Variants in AKAP7 observed in about 807,000 individuals in gnomAD.
AKAP7 encodes the protein A-kinase anchoring protein 7, also known as A kinase (PRKA) anchor protein 7.
AKAP7 carries 39 observed loss-of-function variants against 39.5 expected under a neutral mutation model. That is an observed-to-expected ratio of 0.99 (90% confidence interval 0.76 to 1.29). The LOEUF (loss-of-function observed/expected upper bound fraction) is 1.29, where lower values mean the gene tolerates loss of function less well. Among genes scored for constraint, AKAP7 ranks in the 50% most tolerant of loss-of-function variants. The pLI, the probability that AKAP7 is intolerant of heterozygous loss-of-function variation, is 0.00. For synonymous variants in AKAP7, 140 were observed against 139.1 expected (o/e 1.01, Z -0.05); for missense variants, 414 against 407.7 (o/e 1.02, Z -0.13).
At chr6:131,202,822 A>G (rs972709561) in intron 6 of AKAP7, among the ~76,000 whole-genome samples, 6 of 152,156 alleles carry the variant, frequency 3.9e-5, no homozygotes, top group Admixed American at 1.3e-4. Context: ...AGTAAGCCAA[A>G]TAAGAATTTT....
the AKAP7 span, among the ~76,000 whole-genome samples, chr6:131,126,662 C>T: frequency 6.6e-6 from 1 of 152,156 alleles, no homozygotes; most frequent in African/African-American, 2.4e-5. Context: ...AAGCAGCATA[C>T]ATTAATATAC....
At chr6:131,262,907 C>G (rs940780755) in intron 7 of AKAP7, among the ~76,000 whole-genome samples, 1 of 152,176 alleles carries the variant, frequency 6.6e-6, no homozygotes, top group Non-Finnish European at 1.5e-5. Context: ...GGAGTTAAAC[C>G]TGCAGCCAGG....
chr6:131,149,711 G>A (rs1488447728), intron 2 of AKAP7, among the ~76,000 whole-genome samples: 3 of 152,202 alleles, frequency 2.0e-5, no homozygotes, highest in African/African-American at 4.8e-5. Context: ...GGGTGGACAC[G>A]TTTTAGGAGA....
At chr6:131,136,814 T>G in intron 1 of AKAP7, 2 of 981,920 alleles carry the variant, frequency 2.0e-6, no homozygotes, top group Non-Finnish European at 2.4e-6. Context: ...CTTGTTGATT[T>G]CTACGCAGCT....
intron 7 of AKAP7, chr6:131,250,379 T>G (rs1812344574): frequency 2.1e-6 from 3 of 1,425,638 alleles, no homozygotes; most frequent in Non-Finnish European, 2.8e-6. Context: ...GAGCCTTTTT[T>G]GCTCACGGCA....
intron 1 of AKAP7, among the ~76,000 whole-genome samples, chr6:131,139,085 T>C (rs1800812380): frequency 6.6e-6 from 1 of 152,230 alleles, no homozygotes; most frequent in Non-Finnish European, 1.5e-5. Flanking sequence ...AAGCAAAATA[T>C]TTATACCTTC....
intron 7 of AKAP7, among the ~76,000 whole-genome samples, chr6:131,254,298 ACTT>A (rs1812678248): frequency 6.6e-6 from 1 of 152,176 alleles, no homozygotes; most frequent in Non-Finnish European, 1.5e-5. Context: ...TTTGCTGACT[ACTT>A]ATATAGAACT....
In AKAP7 at chr6:131,145,001, T is replaced by C. The variant is rs981249617; in HGVS notation, c.20-284T>C. 3.3e-5 allele frequency among the ~76,000 whole-genome samples: 5 copies of C among 152,320 alleles called. No individual in the cohort carries two copies. In the East Asian group the frequency reaches 9.6e-4, roughly 29 times the overall value. ...CGTAGTTTTAGAATTAAAATATAGC[T>C]GTAAAAGATCTTGAGGATTATTGAT... is the stretch of plus-strand genomic sequence containing the variant. On this transcript the variant is annotated intron_variant, in intron 1 of 7. Coordinates refer to ENST00000431975, the MANE Select transcript of AKAP7 (RefSeq NM_016377.4).
In AKAP7 at chr6:131,169,256, C is replaced by T. The variant is rs148672116; in HGVS notation, c.572C>T (p.Ser191Leu). Residue 191 changes from serine (S) to leucine (L), a missense_variant, in exon 5 of 8, where the codon TCA (serine) becomes TTA (leucine). By Grantham distance (145) the Ser-to-Leu change is moderately radical. Transcript: ENST00000431975. ...VKLAEGDHVNSLLEIAETANR... is the reference protein window; with the variant it reads ...VKLAEGDHVNLLLEIAETANR... ...CTGGCAGAAGGAGATCATGTAAACT[C>T]ACTTTTGGAGATAGCAGGTAAAACA... The T allele has an allele frequency of 6.3e-4, 1,019 of 1,613,768 alleles. 1 individual carries two copies. The highest frequency in any genetic ancestry group is 7.8e-4 in the Non-Finnish European group (917 of 1,179,924).
At chr6:131,271,294 C>A (rs1814252875) in intron 7 of AKAP7, among the ~76,000 whole-genome samples, 2 of 152,040 alleles carry the variant, frequency 1.3e-5, no homozygotes, top group Non-Finnish European at 2.9e-5. Context: ...TATTCTAGTA[C>A]CATTCCTTGC....
At chr6:131,201,817 C>T (rs1045901493) in intron 6 of AKAP7, among the ~76,000 whole-genome samples, 4 of 152,082 alleles carry the variant, frequency 2.6e-5, no homozygotes, top group African/African-American at 9.7e-5. Flanking sequence ...ATATGGCTAG[C>T]CAGTTTTCCC....
chr6:131,282,437 G>A lies in AKAP7; in HGVS notation c.*711G>A, dbSNP rs1815279763. The A allele has an allele frequency of 2.0e-6, 3 of 1,528,290 alleles. No homozygotes were observed. The highest frequency in any genetic ancestry group is 2.6e-6 in the Non-Finnish European group (3 of 1,142,402). 94.7% of individuals were successfully genotyped at this position (1,528,290 alleles called of 1,614,324 possible). Reference sequence around the variant, plus strand: ...TGGAATTCGAGACTTAATTAATGAAGCTTTGCATCGAGAAACGATGGGTCT... The same window carrying A: ...TGGAATTCGAGACTTAATTAATGAAACTTTGCATCGAGAAACGATGGGTCT... On this transcript the variant is annotated 3_prime_UTR_variant, in exon 8 of 8. Transcript: ENST00000431975.
chr6:131,131,329 C>T (rs1800322802), upstream of AKAP7, among the ~76,000 whole-genome samples: 1 of 152,142 alleles, frequency 6.6e-6, no homozygotes, highest in Admixed American at 6.5e-5. Context: ...CTGCAGAACA[C>T]CTTTGCATGC....
rs371774579 is a variant in AKAP7, at chr6:131,270,543, T to C, written c.851-10987T>C. On this transcript the variant is annotated intron_variant, in intron 7 of 7. Coordinates refer to ENST00000431975, the MANE Select transcript of AKAP7 (RefSeq NM_016377.4). ...CTACAAACATTCATGTATAGGTGTT[T>C]ATGTGAGTATATGCTTTCATTTTAT... Among the ~76,000 whole-genome samples, 56 of 152,356 alleles carry C rather than the reference T, an allele frequency of 3.7e-4. No homozygotes were observed. In the South Asian group the frequency reaches 9.1e-3, roughly 25 times the overall value.
chr6:131,135,848 C>G (rs866603607), intron 1 of AKAP7, 66 bp downstream of exon 1: 1 of 1,223,730 alleles, frequency 8.2e-7, no homozygotes, highest in Non-Finnish European at 1.0e-6. Context: ...TGGGCCTGCT[C>G]TGCGCTCGAA....
chr6:131,229,761 A>C (rs1006604034), intron 7 of AKAP7, among the ~76,000 whole-genome samples: 2 of 152,174 alleles, frequency 1.3e-5, no homozygotes, highest in African/African-American at 4.8e-5. Context: ...ACATATATAC[A>C]CATGCCTGTG....
chr6:131,172,800 T>C (rs966541730), intron 5 of AKAP7, among the ~76,000 whole-genome samples: 17 of 152,256 alleles, frequency 1.1e-4, no homozygotes, highest in African/African-American at 3.6e-4. Context: ...TTTGGCATTA[T>C]TTGATGATTT....
rs753426759 is a variant in AKAP7, at chr6:131,145,324, A to G, written c.59A>G (p.Lys20Arg). ...AATGAGTGTGAAAATGTATCAAGAA[A>G]AAAGAAAATGTCAGAGGAATTTGAA... The part of the protein sequence containing the change: ...NSNECENVSR[K>R]KKMSEEFEAN... The change falls in exon 2 of 8, where the codon AAA (lysine) becomes AGA (arginine). Residue 20 changes from lysine (K) to arginine (R), a missense_variant. Coordinates refer to ENST00000431975, the MANE Select transcript of AKAP7 (RefSeq NM_016377.4). 1 of 1,557,890 alleles carries G rather than the reference A, an allele frequency of 6.4e-7. No homozygotes were observed. The highest frequency in any genetic ancestry group is 1.9e-5 in the Admixed American group (1 of 53,996).
chr6:131,204,661 T>G (rs1474850723), intron 6 of AKAP7, among the ~76,000 whole-genome samples: 3 of 152,168 alleles, frequency 2.0e-5, no homozygotes, highest in African/African-American at 7.2e-5. Context: ...TGAGGAATGG[T>G]GGGACCTTGG....
Sources: allele counts gnomAD v4.1 joint callset (sites outside exome capture counted in the v4.1 genomes callset), GRCh38; gene constraint gnomAD v4.1.1; transcripts MANE v1.5; gene names NCBI Gene and HGNC (gene_info 2026-07-23, HGNC 2026-07-21).